Variants in VPS13B observed in about 807,000 individuals in gnomAD.
VPS13B encodes the protein vacuolar protein sorting 13 homolog B.
In VPS13B, 285 loss-of-function variants were observed where a neutral mutation model predicts 426.4. The observed-to-expected ratio is 0.67, with a 90% CI of 0.61 to 0.74. The LOEUF is 0.74. Among genes scored for constraint, VPS13B ranks in the 30% least tolerant of loss-of-function variants. VPS13B has a pLI of 0.00. For synonymous variants in VPS13B, 1,676 were observed against 1,676.4 expected (o/e 1.00, Z 0.01); for missense variants, 4,537 against 4,782.6 (o/e 0.95, Z 1.51).
intron 13 of VPS13B, among the ~76,000 whole-genome samples, chr8:99,145,717 C>T (rs1241929973): frequency 6.6e-6 from 1 of 152,170 alleles, no homozygotes; most frequent in East Asian, 1.9e-4. Flanking sequence ...AATTCCCTCA[C>T]TTATGGAAGA....
intron 3 of VPS13B, among the ~76,000 whole-genome samples, chr8:99,044,889 CA>C (rs1843146101): frequency 6.8e-6 from 1 of 148,130 alleles, no homozygotes; most frequent in Non-Finnish European, 1.5e-5. Flanking sequence ...CACACACACA[CA>C]CACACACACC....
At chr8:99,345,728 A>G (rs1168246235) in intron 19 of VPS13B, among the ~76,000 whole-genome samples, 1 of 152,224 alleles carries the variant, frequency 6.6e-6, no homozygotes, top group African/African-American at 2.4e-5. Context: ...ATAATGAGGC[A>G]GGAGAAAAAG....
At chr8:99,134,898 A>G (rs1809993867) in intron 9 of VPS13B, 117 bp from the exon 10 acceptor site, 1 of 1,329,492 alleles carries the variant, frequency 7.5e-7, no homozygotes, top group Admixed American at 2.1e-5. Context: ...TATAGAATAA[A>G]TTTAAAAATG....
intron 2 of VPS13B, among the ~76,000 whole-genome samples, chr8:99,028,976 T>C (rs1481049098): frequency 1.5e-5 from 2 of 136,128 alleles, no homozygotes; most frequent in East Asian, 2.4e-4. Flanking sequence ...TCCTCACTTC[T>C]CAGACGGGGC....
intron 33 of VPS13B, among the ~76,000 whole-genome samples, chr8:99,610,902 G>A (rs1256511675): frequency 1.3e-5 from 2 of 152,154 alleles, no homozygotes; most frequent in Non-Finnish European, 2.9e-5. Flanking sequence ...GAAAATCTAT[G>A]TGAGATATTG....
chr8:99,063,479 G>A (rs979983019), intron 3 of VPS13B, among the ~76,000 whole-genome samples: 7 of 152,234 alleles, frequency 4.6e-5, no homozygotes, highest in African/African-American at 1.7e-4. Flanking sequence ...TAGTGCAGCA[G>A]TCTGAGATCG....
intron 16 of VPS13B, among the ~76,000 whole-genome samples, chr8:99,171,385 G>A (rs539234899): frequency 4.6e-5 from 7 of 151,858 alleles, no homozygotes; most frequent in Admixed American, 3.9e-4. Context: ...TATTTTCTCC[G>A]TTATGTGCTG....
At chr8:99,341,853 T>C (rs1811269498) in intron 19 of VPS13B, 1 of 181,492 alleles carries the variant, frequency 5.5e-6, no homozygotes, top group Non-Finnish European at 1.2e-5. Flanking sequence ...GAGACCATAG[T>C]CAAGAGGCCT....
chr8:99,472,653 A>C (rs888350202), intron 24 of VPS13B, among the ~76,000 whole-genome samples: 1 of 152,026 alleles, frequency 6.6e-6, no homozygotes, highest in African/African-American at 2.4e-5. Context: ...AACCCAAAGT[A>C]AGTAAAAAGA....
rs758178822 is a variant in VPS13B at position 99,136,689 on chromosome 8, A to G, written c.1588A>G (p.Met530Val). The G allele has an allele frequency of 6.2e-7, 1 of 1,613,530 alleles. No homozygotes were observed. The highest frequency in any genetic ancestry group is 1.3e-5 in the African/African-American group (1 of 74,910). The stretch of plus-strand genomic sequence containing the variant: ...GGAGACATACACTGAGATAGCTGGA[A>G]TGCAACGGTTTGGGGCTTTTTATAT... ...HKETYTEIAGMQRFGAFYMDY... is the reference protein window; with the variant it reads ...HKETYTEIAGVQRFGAFYMDY... Residue 530 changes from methionine (M) to valine (V), a missense_variant, in exon 12 of 62, where the codon ATG (methionine) becomes GTG (valine). Met to Val is a conservative substitution (Grantham distance 21). This residue lies in a region of VPS13B where 4,311 missense variants were observed against 4,474.3 expected (regional missense o/e 0.96). Transcript: ENST00000357162.
intron 13 of VPS13B, among the ~76,000 whole-genome samples, chr8:99,146,421 C>A (rs1473659934): frequency 3.3e-5 from 5 of 152,170 alleles, no homozygotes; most frequent in African/African-American, 1.2e-4. Context: ...CAGTACCATG[C>A]TGACTTAATT....
chr8:99,044,853 TACACACACACACACACACAC>T lies in VPS13B; in HGVS notation c.291+6314_291+6333del, dbSNP rs60056711. On this transcript the variant is annotated intron_variant, in intron 3 of 61. Coordinates refer to ENST00000357162, the MANE Select transcript of VPS13B (RefSeq NM_152564.5). Reference sequence around the variant, plus strand: ...TATTGCTGAGTAGTATTCCATTTTATACACACACACACACACACACACACACACACACACACACACACACA... The same window carrying T: ...TATTGCTGAGTAGTATTCCATTTTATACACACACACACACACACACACACA... Among the ~76,000 whole-genome samples the T allele has an allele frequency of 1.4e-4, 19 of 139,886 alleles. No individual in the cohort carries two copies. In the South Asian group the frequency reaches 1.9e-3, roughly 14 times the overall value. 91.8% of individuals were successfully genotyped at this position (139,886 alleles called of 152,430 possible).
intron 35 of VPS13B, among the ~76,000 whole-genome samples, chr8:99,662,804 T>G (rs990592957): frequency 5.9e-5 from 9 of 152,138 alleles, no homozygotes; most frequent in African/African-American, 2.2e-4. Context: ...CCCAGCATTT[T>G]GGGAGGCTAA....
intron 28 of VPS13B, among the ~76,000 whole-genome samples, chr8:99,510,299 C>T (rs1387941105): frequency 6.6e-6 from 1 of 152,130 alleles, no homozygotes; most frequent in Admixed American, 6.5e-5. Context: ...TCCATTTTCA[C>T]AAATGTTATA....
intron 3 of VPS13B, among the ~76,000 whole-genome samples, chr8:99,060,642 A>G (rs1360868019): frequency 6.6e-6 from 1 of 152,044 alleles, no homozygotes; most frequent in East Asian, 1.9e-4. Context: ...TAAATAATAT[A>G]ATCTTTTATT....
intron 19 of VPS13B, among the ~76,000 whole-genome samples, chr8:99,336,827 C>T (rs1398525918): frequency 6.6e-6 from 1 of 152,130 alleles, no homozygotes; most frequent in African/African-American, 2.4e-5. Context: ...CATCTCACAC[C>T]AGATAGAATG....
At chr8:99,164,960 G>C (rs1332621002) in intron 15 of VPS13B, among the ~76,000 whole-genome samples, 1 of 152,104 alleles carries the variant, frequency 6.6e-6, no homozygotes, top group East Asian at 1.9e-4. Context: ...GGCTTTGTCA[G>C]TGTAAGAAAA....
chr8:99,394,192 T>G (rs2133319082), intron 21 of VPS13B, among the ~76,000 whole-genome samples: 1 of 152,342 alleles, frequency 6.6e-6, no homozygotes, highest in South Asian at 2.1e-4. Context: ...ATGTTAATGT[T>G]CATTTTATTT....
At chr8:99,711,381 T>C (rs570582759) in intron 36 of VPS13B, among the ~76,000 whole-genome samples, 81 of 152,364 alleles carry the variant, frequency 5.3e-4, no homozygotes, top group African/African-American at 1.8e-3. Context: ...ATTTTCTTAG[T>C]ACTTTCTGGC....
Sources: allele counts gnomAD v4.1 joint callset (sites outside exome capture counted in the v4.1 genomes callset), GRCh38; gene constraint gnomAD v4.1.1; regional missense constraint gnomAD v4.1.1; transcripts MANE v1.5; gene names NCBI Gene and HGNC (gene_info 2026-07-23, HGNC 2026-07-21).